Variants in PRKG1 observed in about 807,000 individuals in gnomAD.
The protein encoded by PRKG1 is protein kinase cGMP-dependent 1.
PRKG1 carries 35 observed loss-of-function variants against 88.1 expected under a neutral mutation model. That is an observed-to-expected ratio of 0.40 (90% CI 0.30 to 0.53). PRKG1 has a LOEUF of 0.53. Among genes scored for constraint, PRKG1 ranks in the 20% least tolerant of loss-of-function variants. The probability of loss-of-function intolerance (pLI) is 0.59; values close to 1 mark genes in which losing one functional copy is unlikely to be tolerated. For synonymous variants in PRKG1, 303 were observed against 292.5 expected (o/e 1.04, Z -0.37); for missense variants, 540 against 839.8 (o/e 0.64, Z 4.41).
intron 2 of PRKG1, among the ~76,000 whole-genome samples, chr10:51,239,368 G>C (rs984581066): frequency 5.3e-5 from 8 of 152,280 alleles, no homozygotes; most frequent in Non-Finnish European, 1.2e-4. Context: ...CTGACCCTAA[G>C]TATCACACTA....
chr10:51,897,558 C>G (rs1429725300), intron 4 of PRKG1, among the ~76,000 whole-genome samples: 1 of 151,968 alleles, frequency 6.6e-6, no homozygotes, highest in East Asian at 1.9e-4. Flanking sequence ...AATATCAAAC[C>G]CTTTATTACT....
intron 2 of PRKG1, among the ~76,000 whole-genome samples, chr10:51,196,559 A>G (rs1044597378): frequency 3.3e-5 from 5 of 152,194 alleles, no homozygotes; most frequent in African/African-American, 1.2e-4. Flanking sequence ...TAGAACATAC[A>G]TAAATACTAC....
In PRKG1 at chr10:51,038,517, C is replaced by T. The variant is rs1010600975; in HGVS notation, c.266+46873C>T. On this transcript the variant is annotated intron_variant, in intron 1 of 17. Coordinates refer to the PRKG1 transcript ENST00000401604. ...CAGTCTCTGGTAACCATCCTTCTAC[C>T]CTCTATCTCCATGAATTCAATTCTT... 5.3e-5 allele frequency among the ~76,000 whole-genome samples: 8 copies of T among 152,248 alleles called. No individual in the cohort carries two copies. In the South Asian group the frequency reaches 1.0e-3, roughly 20 times the overall value.
At chr10:51,316,678 G>A (rs950327407) in intron 2 of PRKG1, among the ~76,000 whole-genome samples, 10 of 139,582 alleles carry the variant, frequency 7.2e-5, no homozygotes, top group East Asian at 2.0e-4. Flanking sequence ...GCAAGACTCC[G>A]TCTCAAAAAA....
intron 4 of PRKG1, among the ~76,000 whole-genome samples, chr10:51,866,583 C>T (rs2132847365): frequency 6.6e-6 from 1 of 152,208 alleles, no homozygotes; most frequent in African/African-American, 2.4e-5. Flanking sequence ...GAGATTTCTA[C>T]TTTATCAATT....
chr10:51,476,338 T>C (rs1247082774), intron 3 of PRKG1, among the ~76,000 whole-genome samples: 1 of 152,000 alleles, frequency 6.6e-6, no homozygotes, highest in Non-Finnish European at 1.5e-5. Flanking sequence ...GAATAAATAT[T>C]GACTTCTCAG....
At chr10:51,230,604 G>A (rs993874250) in intron 2 of PRKG1, among the ~76,000 whole-genome samples, 8 of 152,060 alleles carry the variant, frequency 5.3e-5, no homozygotes, top group East Asian at 1.9e-4. Flanking sequence ...GACTTCTTAC[G>A]GATACTGAAA....
At chr10:52,288,235 A>G (rs1842164169) in intron 14 of PRKG1, among the ~76,000 whole-genome samples, 1 of 152,114 alleles carries the variant, frequency 6.6e-6, no homozygotes, top group African/African-American at 2.4e-5. Flanking sequence ...TCCAGACCAA[A>G]TAAGTAACAC....
At chr10:51,987,046 A>T (rs541008343) in intron 5 of PRKG1, among the ~76,000 whole-genome samples, 1 of 152,206 alleles carries the variant, frequency 6.6e-6, no homozygotes, top group South Asian at 2.1e-4. Flanking sequence ...TATATTTTTG[A>T]TTGGTAACTA....
chr10:51,300,978 G>T (rs1840868653), intron 2 of PRKG1, among the ~76,000 whole-genome samples: 1 of 152,138 alleles, frequency 6.6e-6, no homozygotes, highest in Non-Finnish European at 1.5e-5. Flanking sequence ...CTAACTGAAG[G>T]TCCCATAACT....
In PRKG1 at chr10:51,010,134, G is replaced by T. The variant is rs141074490; in HGVS notation, c.266+18490G>T. On this transcript the variant is annotated intron_variant, in intron 1 of 17. Transcript: ENST00000401604. The stretch of plus-strand genomic sequence containing the variant: ...TGGGAATTTTCCAGGGCCATTGTTT[G>T]TGCGAAGTTGTGTTAAGAATGTAGG... Among the ~76,000 whole-genome samples, 680 of 152,352 alleles carry T rather than the reference G, an allele frequency of 4.5e-3. 5 individuals carry two copies. Among genetic ancestry groups the T allele is most frequent in the African/African-American group, 0.016 (645 of 41,584 alleles).
intron 2 of PRKG1, among the ~76,000 whole-genome samples, chr10:51,285,833 G>T (rs1840426061): frequency 6.6e-6 from 1 of 152,194 alleles, no homozygotes; most frequent in South Asian, 2.1e-4. Context: ...GAAACTGACA[G>T]TAACTGTTCA....
At chr10:51,592,336 A>C (rs1589113530) in intron 3 of PRKG1, among the ~76,000 whole-genome samples, 1 of 152,158 alleles carries the variant, frequency 6.6e-6, no homozygotes, top group Admixed American at 6.6e-5. Context: ...CTCTTGCCAC[A>C]ATGCATGAGT....
At chr10:51,909,135 T>A (rs868485084) in intron 5 of PRKG1, 1 of 152,186 alleles carries the variant, frequency 6.6e-6, no homozygotes, top group Non-Finnish European at 1.5e-5. Flanking sequence ...AGGTTTCTGT[T>A]GTAAATAATT....
At chr10:51,502,764 G>C (rs1003744854) in intron 3 of PRKG1, among the ~76,000 whole-genome samples, 1 of 152,086 alleles carries the variant, frequency 6.6e-6, no homozygotes, top group Non-Finnish European at 1.5e-5. Flanking sequence ...CATGCATTTT[G>C]AAATGATTAG....
At chr10:51,503,616 A>G (rs1053973694) in intron 3 of PRKG1, among the ~76,000 whole-genome samples, 7 of 152,180 alleles carry the variant, frequency 4.6e-5, no homozygotes, top group African/African-American at 1.7e-4. Flanking sequence ...CTTTGCCTAC[A>G]TGTAACTGTT....
chr10:51,437,187 A>T (rs554660394), intron 2 of PRKG1, among the ~76,000 whole-genome samples: 2 of 152,078 alleles, frequency 1.3e-5, no homozygotes, highest in East Asian at 3.9e-4. Flanking sequence ...TGTGATGAGA[A>T]CTTAGAATTT....
At chr10:52,057,499 T>C (rs944175997) in intron 6 of PRKG1, among the ~76,000 whole-genome samples, 5 of 152,198 alleles carry the variant, frequency 3.3e-5, no homozygotes, top group African/African-American at 1.2e-4. Flanking sequence ...CATATGTCCC[T>C]GCAGTTGTGT....
intron 2 of PRKG1, among the ~76,000 whole-genome samples, chr10:51,259,724 C>G (rs1357414467): frequency 6.6e-6 from 1 of 152,176 alleles, no homozygotes; most frequent in African/African-American, 2.4e-5. Flanking sequence ...GACCCACCCA[C>G]CTTGGCCTCC....
Sources: gnomAD v4.1 joint callset for allele counts (sites outside exome capture counted in the v4.1 genomes callset) on GRCh38, gnomAD v4.1.1 for gene constraint, MANE v1.5 for transcripts, NCBI Gene and HGNC (gene_info 2026-07-23, HGNC 2026-07-21) for gene names.